NRXN3: variants seen among roughly 807,000 people sequenced by gnomAD.
NRXN3 encodes the protein neurexin 3.
Under a neutral mutation model 137.6 loss-of-function variants are expected in NRXN3, and 32 were observed. The ratio of observed to expected loss-of-function variants is 0.23; its 90% confidence interval spans 0.18 to 0.31. The LOEUF (loss-of-function observed/expected upper bound fraction) is 0.31, where lower values mean the gene tolerates loss of function less well. Among genes scored for constraint, NRXN3 ranks in the 10% least tolerant of loss-of-function variants. NRXN3 has a pLI of 1.00. For synonymous variants in NRXN3, 798 were observed against 784.5 expected, an observed-to-expected ratio of 1.02 and a Z score of -0.29; for missense variants, 1,574 against 2,062.5, an observed-to-expected ratio of 0.76 and a Z score of 4.59.
At chr14:79,814,952 T>G (rs1603589780) in intron 20 of NRXN3, among the ~76,000 whole-genome samples, 1 of 152,280 alleles carries the variant, frequency 6.6e-6, no homozygotes, top group East Asian at 1.9e-4. Context: ...GAGGTAAGAT[T>G]ATCTTTTGAT....
chr14:79,519,648 T>C lies in NRXN3; in HGVS notation c.3444+52246T>C, dbSNP rs573613700. ...AACCTGCAAAATGGGCTGTATTACA[T>C]TCGACCCAAGAATTAAGAGAGAGTT... On this transcript the variant is annotated intron_variant, in intron 16 of 20. Coordinates refer to ENST00000335750, the MANE Select transcript of NRXN3 (RefSeq NM_001330195.2). Among the ~76,000 whole-genome samples, 448 of 152,176 alleles carry C rather than the reference T, an allele frequency of 2.9e-3. 1 individual carries two copies. The highest frequency in any genetic ancestry group is 0.01 in the African/African-American group (424 of 41,540).
chr14:79,710,811 C>CACAA (rs1466926702), intron 19 of NRXN3, among the ~76,000 whole-genome samples: 13 of 152,246 alleles, frequency 8.5e-5, no homozygotes, highest in African/African-American at 2.6e-4. Flanking sequence ...TTTTCTATTC[C>CACAA]ACAAACATTG....
intron 4 of NRXN3, among the ~76,000 whole-genome samples, chr14:78,374,227 A>G (rs1232522677): frequency 1.3e-5 from 2 of 152,206 alleles, no homozygotes; most frequent in Non-Finnish European, 2.9e-5. Flanking sequence ...GAAGTGCTAT[A>G]GGTTGAGCTA....
At chr14:78,502,123 T>TC (rs1307157978) in intron 4 of NRXN3, among the ~76,000 whole-genome samples, 1 of 152,004 alleles carries the variant, frequency 6.6e-6, no homozygotes. Context: ...CACAGCTCTT[T>TC]CCCCCAGCAC....
intron 8 of NRXN3, among the ~76,000 whole-genome samples, chr14:78,720,510 G>GT (rs1410910033): frequency 2.0e-5 from 3 of 152,098 alleles, no homozygotes; most frequent in Non-Finnish European, 4.4e-5. Context: ...TTTACTTTCA[G>GT]TTTTTCCCCT....
intron 15 of NRXN3, among the ~76,000 whole-genome samples, chr14:79,021,396 C>G (rs1216147448): frequency 1.3e-5 from 2 of 152,242 alleles, no homozygotes; most frequent in Admixed American, 6.5e-5. Context: ...ATTTCCTTTG[C>G]AGTGAAGGGA....
chr14:78,220,712 G>A (rs1189512788), intron 1 of NRXN3, among the ~76,000 whole-genome samples: 2 of 152,110 alleles, frequency 1.3e-5, no homozygotes, highest in Non-Finnish European at 2.9e-5. Context: ...TGATAGAACA[G>A]GGTCCCAGGG....
intron 3 of NRXN3, among the ~76,000 whole-genome samples, chr14:78,281,485 A>G (rs1220046403): frequency 1.3e-5 from 2 of 152,122 alleles, no homozygotes; most frequent in Non-Finnish European, 2.9e-5. Context: ...CTGGTGGGCA[A>G]CACCTTTCCC....
At chr14:79,830,349 C>A (rs2141232623) in intron 20 of NRXN3, among the ~76,000 whole-genome samples, 1 of 152,288 alleles carries the variant, frequency 6.6e-6, no homozygotes, top group Non-Finnish European at 1.5e-5. Context: ...GAGAAGTGGA[C>A]TTGACTCTGG....
chr14:79,433,830 T>G (rs574485791), intron 15 of NRXN3, among the ~76,000 whole-genome samples: 2 of 152,348 alleles, frequency 1.3e-5, no homozygotes, highest in East Asian at 3.9e-4. Context: ...TCTTGCCTAT[T>G]TAGAAGCCTT....
At position 79,467,321 on chromosome 14, in the gene NRXN3, C is replaced by A. The variant is rs759461949; in HGVS notation, c.3363C>A (p.Gly1121=). 29 of 1,613,670 alleles carry A rather than the reference C, an allele frequency of 1.8e-5. 1 individual carries two copies. Among genetic ancestry groups the A allele is most frequent in the African/African-American group, 4.0e-5 (3 of 74,942 alleles). Reference sequence around the variant, plus strand: ...CGCGGTCTGACCGCCTTGCCGTGGGCTTCAGCACCACTGTGAAGGATGGCA... The same window carrying A: ...CGCGGTCTGACCGCCTTGCCGTGGGATTCAGCACCACTGTGAAGGATGGCA... The part of the protein sequence containing the change: ...PSTRSDRLAV[G]FSTTVKDGIL... The change falls in exon 16 of 21, where the codon GGC becomes GGA. Residue 1121 remains glycine (G), a synonymous_variant. Transcript: ENST00000335750.
chr14:79,719,530 C>T (rs1286292003), intron 19 of NRXN3, among the ~76,000 whole-genome samples: 1 of 151,934 alleles, frequency 6.6e-6, no homozygotes, highest in African/African-American at 2.4e-5. Context: ...CACTCTTTCA[C>T]TTCCCCATAT....
intron 4 of NRXN3, among the ~76,000 whole-genome samples, chr14:78,315,590 G>A (rs531742530): frequency 2.2e-4 from 33 of 152,300 alleles, no homozygotes; most frequent in African/African-American, 7.7e-4. Context: ...AAATCTATTT[G>A]TTATACGTAG....
At chr14:79,667,099 A>C (rs1257216526) in intron 17 of NRXN3, among the ~76,000 whole-genome samples, 1 of 152,096 alleles carries the variant, frequency 6.6e-6, no homozygotes, top group Non-Finnish European at 1.5e-5. Context: ...TCATGAGAAA[A>C]ATCTGGCAAT....
At chr14:79,297,235 GAGATTATT>G (rs2084338096) in intron 15 of NRXN3, among the ~76,000 whole-genome samples, 1 of 152,094 alleles carries the variant, frequency 6.6e-6, no homozygotes, top group Admixed American at 6.6e-5. Flanking sequence ...ATTTGGTTGT[GAGATTATT>G]TGATTAATAT....
At chr14:78,409,115 G>T (rs1176603247) in intron 4 of NRXN3, among the ~76,000 whole-genome samples, 1 of 152,212 alleles carries the variant, frequency 6.6e-6, no homozygotes, top group Non-Finnish European at 1.5e-5. Flanking sequence ...CACTAGGCTG[G>T]TTGCTACAAA....
chr14:78,397,423 G>A (rs1281063809), intron 4 of NRXN3, among the ~76,000 whole-genome samples: 1 of 151,692 alleles, frequency 6.6e-6, no homozygotes, highest in African/African-American at 2.4e-5. Context: ...CCCCCTCTGT[G>A]TCCTCCATTC....
At chr14:78,969,814 A>AGTGTGTGTGTGTGT (rs376306137) in intron 14 of NRXN3, among the ~76,000 whole-genome samples, 5 of 141,410 alleles carry the variant, frequency 3.5e-5, no homozygotes, top group Non-Finnish European at 6.2e-5. Context: ...TGTACTATGT[A>AGTGTGTGTGTGTGT]GTGTGTGTGT....
At chr14:79,378,095 A>C (rs1304322016) in intron 15 of NRXN3, among the ~76,000 whole-genome samples, 9 of 152,204 alleles carry the variant, frequency 5.9e-5, no homozygotes, top group Non-Finnish European at 1.5e-5. Flanking sequence ...TCATTCTGAG[A>C]GCAAACCAGA....
Sources: gnomAD v4.1 joint callset for allele counts (sites outside exome capture counted in the v4.1 genomes callset) on GRCh38, gnomAD v4.1.1 for gene constraint, MANE v1.5 for transcripts, NCBI Gene and HGNC (gene_info 2026-07-23, HGNC 2026-07-21) for gene names.